The following GABRD variants were observed in gnomAD, a reference collection of about 807,000 sequenced individuals.
The protein encoded by GABRD is gamma-aminobutyric acid type A receptor subunit delta.
GABRD carries 25 observed loss-of-function variants against 47.3 expected under a neutral mutation model. The ratio of observed to expected loss-of-function variants is 0.53; its 90% CI spans 0.39 to 0.74. The LOEUF is 0.74. GABRD is among the 30% of genes least tolerant of loss of function. The pLI, the probability that GABRD is intolerant of heterozygous loss-of-function variation, is 0.00. For missense variants in GABRD, 497 were observed against 643.4 expected (o/e 0.77, Z 2.46); for synonymous variants, 314 against 278.8 (o/e 1.13, Z -1.26).
At chr1:2,029,514 G>T (rs1659024100) in intron 7 of GABRD, 37 bp from the exon 8 acceptor site, 1 of 1,606,602 alleles carries the variant, frequency 6.2e-7, no homozygotes, top group Non-Finnish European at 8.5e-7. Flanking sequence ...CGGCGTGAGG[G>T]CAGGGCTACG....
intron 4 of GABRD, chr1:2,026,851 A>G (rs1267445722): frequency 6.6e-6 from 1 of 151,626 alleles, no homozygotes; most frequent in East Asian, 1.9e-4. Context: ...AAAAACAAAC[A>G]AAAAAAAGAA....
intron 4 of GABRD, 94 bp downstream of exon 4, chr1:2,025,832 C>T (rs2102148305): frequency 8.6e-7 from 1 of 1,156,452 alleles, no homozygotes; most frequent in South Asian, 1.4e-5. Context: ...GCTCGAGCGG[C>T]TTCTGCTGCC....
In GABRD at chr1:2,030,720, A is replaced by G. The variant is rs545343609; in HGVS notation, c.*438A>G. The G allele has an allele frequency of 5.1e-5, 8 of 157,774 alleles. No individual in the cohort carries two copies. Among genetic ancestry groups the G allele is most frequent in the Non-Finnish European group, 1.1e-4 (8 of 72,080 alleles). The allele number at this position is 157,774 out of a possible 1,614,324, so 9.8% of individuals were successfully genotyped here. On this transcript the variant is annotated 3_prime_UTR_variant, in exon 9 of 9. Transcript: ENST00000378585. The stretch of plus-strand genomic sequence containing the variant: ...TGAGGTCTTTCTGGTCCCAGCATGA[A>G]ATAAAGCCTTGGCCTGGGGGCCGCT...
chr1:2,024,647 G>C (rs980279091), intron 1 of GABRD: 13 of 244,934 alleles, frequency 5.3e-5, no homozygotes, highest in Middle Eastern at 2.6e-3. Context: ...ACGCTGGGGG[G>C]CTCTGTCCAA....
chr1:2,022,736 C>T (rs1215290127), intron 1 of GABRD, among the ~76,000 whole-genome samples: 1 of 152,250 alleles, frequency 6.6e-6, no homozygotes, highest in Non-Finnish European at 1.5e-5. Context: ...CCTGCTCCTC[C>T]TTAGCCCTGT....
intron 5 of GABRD, 126 bp downstream of exon 5, chr1:2,027,785 A>C: frequency 1.2e-6 from 1 of 860,440 alleles, no homozygotes; most frequent in East Asian, 2.6e-5. Flanking sequence ...CAGCTTCTGC[A>C]TGCAAGAAGC....
chr1:2,029,409 G>C (rs1034995968), intron 7 of GABRD, 142 bp from the exon 8 acceptor site: 3 of 1,376,540 alleles, frequency 2.2e-6, no homozygotes, highest in East Asian at 5.0e-5. Context: ...GCCAGGCCAG[G>C]TCAGGGAAAC....
In GABRD at chr1:2,025,329, T is replaced by C; in HGVS notation, c.182-5T>C. The C allele has an allele frequency of 6.2e-7, 1 of 1,613,194 alleles. No individual in the cohort carries two copies. The highest frequency in any genetic ancestry group is 2.2e-5 in the East Asian group (1 of 44,880). ...GTCCTTCTTAGTTCTGCTCTTTCCTTGCAGGCCCCCCCGTGAATGTGGCCC... is the reference window on the plus strand; with the variant it reads ...GTCCTTCTTAGTTCTGCTCTTTCCTCGCAGGCCCCCCCGTGAATGTGGCCC... On this transcript the variant is annotated splice_polypyrimidine_tract_variant and splice_region_variant and intron_variant, in intron 2 of 8. Coordinates refer to ENST00000378585, the MANE Select transcript of GABRD (RefSeq NM_000815.5).
intron 1 of GABRD, chr1:2,024,020 C>T (rs1265376465): frequency 6.6e-6 from 1 of 152,480 alleles, no homozygotes; most frequent in Non-Finnish European, 1.5e-5. Flanking sequence ...TCTCTGCCTC[C>T]TCTGTCCCCA....
chr1:2,025,100 G>A (rs757318672), intron 2 of GABRD, 46 bp downstream of exon 2: 2 of 1,528,762 alleles, frequency 1.3e-6, no homozygotes, highest in Admixed American at 1.8e-5. Flanking sequence ...CTGGAGCCCA[G>A]GCTAGGCCGT....
At chr1:2,019,555 A>G in intron 1 of GABRD, 64 bp downstream of exon 1, 1 of 1,007,082 alleles carries the variant, frequency 9.9e-7, no homozygotes, top group South Asian at 4.8e-5. Context: ...TCGGCCCGAG[A>G]TAGCGGCTGG....
At chr1:2,019,526 G>T in intron 1 of GABRD, 35 bp downstream of exon 1, 2 of 1,090,362 alleles carry the variant, frequency 1.8e-6, no homozygotes, top group East Asian at 5.2e-5. Context: ...GCGGGGTCGG[G>T]GGCGGTGGGG....
intron 5 of GABRD, 187 bp from the exon 6 acceptor site, chr1:2,027,968 C>T (rs1658974014): frequency 4.6e-6 from 3 of 648,226 alleles, no homozygotes; most frequent in African/African-American, 1.8e-5. Flanking sequence ...GTGTCCCATC[C>T]ACCTGCCCGG....
intron 1 of GABRD, among the ~76,000 whole-genome samples, chr1:2,020,494 G>C (rs966304373): frequency 6.6e-6 from 1 of 152,210 alleles, no homozygotes; most frequent in Non-Finnish European, 1.5e-5. Flanking sequence ...TTGGAGGTGC[G>C]GGGGACAGAG....
At position 2,028,386 on chromosome 1, in the gene GABRD, G is replaced by A. The variant is rs914579318; in HGVS notation, c.691+94G>A. 40 of 1,267,532 alleles carry A rather than the reference G, an allele frequency of 3.2e-5. No homozygotes were observed. Among genetic ancestry groups the A allele is most frequent in the East Asian group, 1.4e-4 (4 of 28,014 alleles). 78.5% of individuals were successfully genotyped at this position (1,267,532 alleles called of 1,614,324 possible). On this transcript the variant is annotated intron_variant, in intron 6 of 8. Coordinates refer to ENST00000378585, the MANE Select transcript of GABRD (RefSeq NM_000815.5). The surrounding 1 kb of genome is among the most constrained non-coding windows in gnomAD (Gnocchi z 6.4). ...CGCGCGCGCCCACCGCCCCTTCCGCGTGCGCCCGCCTGTGGTTTTCATGCT... is the reference window on the plus strand; with the variant it reads ...CGCGCGCGCCCACCGCCCCTTCCGCATGCGCCCGCCTGTGGTTTTCATGCT...
rs945600414 is a variant in GABRD, at chr1:2,019,369, G to C, written c.-55G>C. 10 of 982,022 alleles carry C rather than the reference G, an allele frequency of 1.0e-5. No homozygotes were observed. In the African/African-American group the frequency reaches 1.6e-4, roughly 16 times the overall value. The allele number at this position is 982,022 out of a possible 1,614,324, so 60.8% of individuals were successfully genotyped here. ...CAGCTCCCGCCCGCCTGTGCCGCCTGTGCGGCCGCCGGGAGCCAAGTTTGC... is the reference window on the plus strand; with the variant it reads ...CAGCTCCCGCCCGCCTGTGCCGCCTCTGCGGCCGCCGGGAGCCAAGTTTGC... On this transcript the variant is annotated 5_prime_UTR_variant, in exon 1 of 9. Coordinates refer to ENST00000378585, the MANE Select transcript of GABRD (RefSeq NM_000815.5).
chr1:2,028,112 G>A lies in GABRD; in HGVS notation c.554-43G>A. 1 of 1,587,648 alleles carries A rather than the reference G, an allele frequency of 6.3e-7. No homozygotes were observed. The highest frequency in any genetic ancestry group is 8.6e-7 in the Non-Finnish European group (1 of 1,163,280). On this transcript the variant is annotated intron_variant, in intron 5 of 8. Coordinates refer to ENST00000378585, the MANE Select transcript of GABRD (RefSeq NM_000815.5). This position sits in a 1 kb window ranked among gnomAD's most constrained non-coding sequence, Gnocchi z 6.4. ...GAGCGCTCCTGCCAGGGCTCCCGGG[G>A]CAGGGCCGGGCTCTGCCGCCCACCT...
rs1415457341 is a variant in GABRD at position 2,025,628 on chromosome 1, G to T, written c.360G>T (p.Trp120Cys). The part of the protein sequence containing the change: ...GLDSRFVDKL[W>C]LPDTFIVNAK... Reference sequence around the variant, plus strand: ...ACAGCCGCTTCGTGGACAAGCTGTGGCTGCCCGACACCTTCATCGTGAACG... The same window carrying T: ...ACAGCCGCTTCGTGGACAAGCTGTGTCTGCCCGACACCTTCATCGTGAACG... The change falls in exon 4 of 9, where the codon TGG (tryptophan) becomes TGT (cysteine). Residue 120 changes from tryptophan (W) to cysteine (C), a missense_variant. By Grantham distance (215) the Trp-to-Cys change is radical. Around this residue, in one of 3 missense-constraint regions of GABRD, gnomAD observed 285 missense variants for 436.6 expected, o/e 0.65. Coordinates refer to ENST00000378585, the MANE Select transcript of GABRD (RefSeq NM_000815.5). The T allele has an allele frequency of 1.2e-6, 2 of 1,613,102 alleles. No homozygotes were observed. Among genetic ancestry groups the T allele is most frequent in the East Asian group, 4.5e-5 (2 of 44,888 alleles).
intron 1 of GABRD, among the ~76,000 whole-genome samples, chr1:2,023,191 C>G (rs1658829206): frequency 6.6e-6 from 1 of 152,120 alleles, no homozygotes; most frequent in Non-Finnish European, 1.5e-5. Flanking sequence ...CCCGGCTGGA[C>G]TTAGCCTGAG....
Sources: gnomAD v4.1 joint callset for allele counts (sites outside exome capture counted in the v4.1 genomes callset) on GRCh38, gnomAD v4.1.1 for gene constraint, gnomAD v4.1.1 regional missense constraint, Gnocchi (gnomAD v3.1) non-coding constraint, MANE v1.5 for transcripts, NCBI Gene and HGNC (gene_info 2026-07-23, HGNC 2026-07-21) for gene names.